The following STOX1 variants were observed in gnomAD, a reference collection of about 807,000 sequenced individuals.
The protein encoded by STOX1 is storkhead-box protein 1.
In STOX1, 57 loss-of-function variants were observed where a neutral mutation model predicts 74.8. The ratio of observed to expected loss-of-function variants is 0.76; its 90% CI spans 0.62 to 0.95. The LOEUF is 0.95. Ranked by LOEUF, STOX1 falls within the 40% of genes least tolerant of loss-of-function variation. STOX1 has a pLI of 0.00. For synonymous variants in STOX1, 375 were observed against 401.3 expected (o/e 0.93, Z 0.78); for missense variants, 1,010 against 1,117.0 (o/e 0.90, Z 1.37).
At chr10:68,877,696 A>G (rs1840712581) in intron 1 of STOX1, among the ~76,000 whole-genome samples, 1 of 152,212 alleles carries the variant, frequency 6.6e-6, no homozygotes, top group East Asian at 1.9e-4. Flanking sequence ...CGGACACAGC[A>G]GGGACACCAG....
At chr10:68,828,966 TCTCTGA>T in intron 1 of STOX1, 1 of 985,408 alleles carries the variant, frequency 1.0e-6, no homozygotes, top group Non-Finnish European at 1.2e-6. Context: ...CCGTGAGTGG[TCTCTGA>T]CTCTGGGCAC....
chr10:68,890,498 T>G (rs1383239943), intron 3 of STOX1, among the ~76,000 whole-genome samples: 1 of 152,146 alleles, frequency 6.6e-6, no homozygotes, highest in Non-Finnish European at 1.5e-5. Context: ...TCATTCCCAA[T>G]TTTTTGCTAT....
At chr10:68,836,383 A>C (rs747756095) in intron 1 of STOX1, among the ~76,000 whole-genome samples, 30 of 152,226 alleles carry the variant, frequency 2.0e-4, no homozygotes, top group Non-Finnish European at 3.4e-4. Flanking sequence ...AATTTCCAGC[A>C]TGGAGGAAGA....
intron 1 of STOX1, among the ~76,000 whole-genome samples, chr10:68,865,412 G>A (rs1282833979): frequency 1.3e-5 from 2 of 152,370 alleles, no homozygotes; most frequent in Admixed American, 1.3e-4. Context: ...CACTTTGGGA[G>A]GCCGAGGCGT....
At chr10:68,847,401 A>G (rs542379466) in intron 1 of STOX1, among the ~76,000 whole-genome samples, 2 of 101,846 alleles carry the variant, frequency 2.0e-5, no homozygotes, top group East Asian at 5.6e-4. Context: ...ATTGGAAGGT[A>G]GAAGGTTTTG....
At chr10:68,849,109 C>T (rs183480977) in intron 1 of STOX1, among the ~76,000 whole-genome samples, 4 of 152,296 alleles carry the variant, frequency 2.6e-5, no homozygotes, top group Non-Finnish European at 5.9e-5. Context: ...ATTTCATGTG[C>T]TGAAAAATCA....
At chr10:68,872,348 T>C (rs1419883811) in intron 1 of STOX1, among the ~76,000 whole-genome samples, 453 of 121,792 alleles carry the variant, frequency 3.7e-3, no homozygotes, top group Non-Finnish European at 6.6e-3. Context: ...TTTTCTTTTT[T>C]TTTTTTTTTT....
intron 1 of STOX1, among the ~76,000 whole-genome samples, chr10:68,857,153 AT>A (rs1840147310): frequency 6.6e-6 from 1 of 152,126 alleles, no homozygotes; most frequent in Non-Finnish European, 1.5e-5. Context: ...AGAGAAAAAA[AT>A]AATATGCAAA....
rs1215566017 is a variant in STOX1, at chr10:68,885,011, G to A, written c.1215G>A (p.Lys405=). The A allele has an allele frequency of 1.2e-6, 2 of 1,614,040 alleles. No individual in the cohort carries two copies. The highest frequency in any genetic ancestry group is 8.5e-7 in the Non-Finnish European group (1 of 1,180,048). ...TSTDMLTIGH[K]YPSKEGVKKR... ...CTGACATGCTGACAATCGGGCATAA[G>A]TATCCTTCAAAAGAGGGGGTTAAGA... is the stretch of plus-strand genomic sequence containing the variant. The change falls in exon 3 of 4, where the codon AAG becomes AAA. Residue 405 remains lysine, a synonymous_variant. Coordinates refer to ENST00000298596, the MANE Select transcript of STOX1 (RefSeq NM_152709.5).
intron 1 of STOX1, among the ~76,000 whole-genome samples, chr10:68,867,247 A>G (rs566339199): frequency 8.6e-4 from 131 of 152,104 alleles, no homozygotes; most frequent in Non-Finnish European, 1.5e-3. Context: ...GCCTGGCCCA[A>G]TGCTTTCCTT....
At chr10:68,829,405 T>C (rs1193544783) in intron 1 of STOX1, among the ~76,000 whole-genome samples, 1 of 152,052 alleles carries the variant, frequency 6.6e-6, no homozygotes, top group African/African-American at 2.4e-5. Flanking sequence ...TAATCCCAGA[T>C]ACTTGGGAGG....
intron 1 of STOX1, among the ~76,000 whole-genome samples, chr10:68,861,104 C>T (rs1432545267): frequency 6.6e-6 from 1 of 152,018 alleles, no homozygotes; most frequent in Non-Finnish European, 1.5e-5. Flanking sequence ...CTGAGACCAG[C>T]TCAGTCATGG....
intron 3 of STOX1, among the ~76,000 whole-genome samples, chr10:68,890,632 G>A (rs577648149): frequency 6.6e-6 from 1 of 151,006 alleles, no homozygotes; most frequent in South Asian, 2.1e-4. Context: ...TTCTTTATTG[G>A]GGGTGCAAGA....
In STOX1 at chr10:68,888,831, TTTTG is replaced by T. The variant is rs1401788690; in HGVS notation, c.2822+2214_2822+2217del. On this transcript the variant is annotated intron_variant, in intron 3 of 3. Coordinates refer to ENST00000298596, the MANE Select transcript of STOX1 (RefSeq NM_152709.5). ...TTTTTTTTTTTTTTTTTTTTTTTTT[TTTTG>T]GAGAGATGGGGTTTCACCATGTTGC... Among the ~76,000 whole-genome samples, 9 of 133,342 alleles carry T rather than the reference TTTTG, an allele frequency of 6.7e-5. No homozygotes were observed. The South Asian group carries it at 7.7e-4, about 11-fold the overall frequency. 87.5% of individuals were successfully genotyped at this position (133,342 alleles called of 152,430 possible).
intron 1 of STOX1, among the ~76,000 whole-genome samples, chr10:68,835,604 C>A (rs1839527205): frequency 6.6e-6 from 1 of 152,102 alleles, no homozygotes; most frequent in South Asian, 2.1e-4. Flanking sequence ...CGTCTTCCTG[C>A]CTCTGCTTCC....
At chr10:68,888,478 TC>T (rs1253732988) in intron 3 of STOX1, among the ~76,000 whole-genome samples, 1 of 152,128 alleles carries the variant, frequency 6.6e-6, no homozygotes, top group African/African-American at 2.4e-5. Context: ...AATGTATAGA[TC>T]TATAGATTTT....
At chr10:68,842,266 C>T (rs1014235285) in intron 1 of STOX1, among the ~76,000 whole-genome samples, 6 of 152,096 alleles carry the variant, frequency 3.9e-5, no homozygotes, top group African/African-American at 1.4e-4. Context: ...TTTCATAGAT[C>T]AGAGGGCTTT....
At chr10:68,875,451 G>C (rs1589233001) in intron 1 of STOX1, among the ~76,000 whole-genome samples, 1 of 152,054 alleles carries the variant, frequency 6.6e-6, no homozygotes, top group African/African-American at 2.4e-5. Flanking sequence ...AGGCAATCTT[G>C]AGATGTTTCT....
intron 3 of STOX1, among the ~76,000 whole-genome samples, chr10:68,890,445 G>A (rs934616097): frequency 6.6e-6 from 1 of 152,120 alleles, no homozygotes; most frequent in Non-Finnish European, 1.5e-5. Context: ...TTGTAGGCAT[G>A]AGCCACTGTG....
Sources: gnomAD v4.1 joint callset for allele counts (sites outside exome capture counted in the v4.1 genomes callset) on GRCh38, gnomAD v4.1.1 for gene constraint, MANE v1.5 for transcripts, NCBI Gene and HGNC (gene_info 2026-07-23, HGNC 2026-07-21) for gene names.